The following SAMD4A variants were observed in gnomAD, a reference collection of about 807,000 sequenced individuals.
SAMD4A encodes the protein sterile alpha motif domain containing 4A.
A neutral mutation model predicts 81.3 loss-of-function variants in SAMD4A; 33 were observed. The ratio of observed to expected loss-of-function variants is 0.41; its 90% CI spans 0.31 to 0.54. SAMD4A has a LOEUF of 0.54. Ranked by LOEUF, SAMD4A falls within the 20% of genes least tolerant of loss-of-function variation. The probability of loss-of-function intolerance (pLI) is 0.37; values close to 1 mark genes in which losing one functional copy is unlikely to be tolerated. For missense variants in SAMD4A, 854 were observed against 951.1 expected, an observed-to-expected ratio of 0.90 and a Z score of 1.34; for synonymous variants, 389 against 382.1, an observed-to-expected ratio of 1.02 and a Z score of -0.21.
chr14:54,761,027 T>C (rs1279026692), intron 7 of SAMD4A, among the ~76,000 whole-genome samples: 1 of 152,204 alleles, frequency 6.6e-6, no homozygotes, highest in African/African-American at 2.4e-5. Flanking sequence ...TTTGGAGAAT[T>C]CCCAGCATGG....
In SAMD4A at chr14:54,789,005, G is replaced by T. The variant is rs189811410; in HGVS notation, c.*61G>T. The T allele has an allele frequency of 2.2e-4, 345 of 1,565,278 alleles. 1 individual carries two copies. In the African/African-American group the frequency reaches 4.0e-3, roughly 18 times the overall value. On this transcript the variant is annotated 3_prime_UTR_variant, in exon 13 of 13. Transcript: ENST00000554335. ...ATCGACTGCTGCGGGTCCAGTGTCC[G>T]CCATCTTCAGGGTTGCACAGAATCC...
upstream of SAMD4A, among the ~76,000 whole-genome samples, chr14:54,566,561 G>T (rs959379022): frequency 2.6e-5 from 4 of 151,676 alleles, no homozygotes; most frequent in African/African-American, 9.7e-5. Context: ...GCGTGTGCCT[G>T]CGGCGCCGAT....
At position 54,639,334 on chromosome 14, in the gene SAMD4A, A is replaced by G. The variant is rs148544961; in HGVS notation, c.197-62728A>G. ...CTGCAGTCATGGAGATGTAAGAAAC[A>G]TGGTGGCTGAGCCTGGTGAAGTTTC... On this transcript the variant is annotated intron_variant, in intron 2 of 12. Coordinates refer to ENST00000554335, the MANE Select transcript of SAMD4A (RefSeq NM_015589.6). Among the ~76,000 whole-genome samples the G allele has an allele frequency of 3.9e-5, 6 of 152,342 alleles. No individual in the cohort carries two copies. In the East Asian group the frequency reaches 9.6e-4, roughly 24 times the overall value.
At chr14:54,679,645 G>A (rs1345053485) in intron 2 of SAMD4A, among the ~76,000 whole-genome samples, 1 of 152,196 alleles carries the variant, frequency 6.6e-6, no homozygotes, top group African/African-American at 2.4e-5. Flanking sequence ...TGTTTTCCAT[G>A]TCATCCTTTG....
chr14:54,670,073 T>C (rs2035846907), intron 2 of SAMD4A, among the ~76,000 whole-genome samples: 1 of 152,182 alleles, frequency 6.6e-6, no homozygotes, highest in Admixed American at 6.5e-5. Context: ...AAGACAACTT[T>C]ATAGATTAAT....
intron 6 of SAMD4A, among the ~76,000 whole-genome samples, chr14:54,757,565 C>G (rs1219266276): frequency 6.6e-6 from 1 of 152,132 alleles, no homozygotes; most frequent in Non-Finnish European, 1.5e-5. Context: ...GAGAAACCTT[C>G]TTGCCATGTG....
In SAMD4A at chr14:54,702,215, A is replaced by G; in HGVS notation, c.350A>G (p.Gln117Arg). 1 of 1,614,194 alleles carries G rather than the reference A, an allele frequency of 6.2e-7. No individual in the cohort carries two copies. The highest frequency in any genetic ancestry group is 1.3e-5 in the African/African-American group (1 of 75,064). Reference sequence around the variant, plus strand: ...CTGGCTCACTCTATTGAACACAACCAGCACATTGAGGAGAGCAGGCAGCTG... The same window carrying G: ...CTGGCTCACTCTATTGAACACAACCGGCACATTGAGGAGAGCAGGCAGCTG... ...KILAHSIEHNQHIEESRQLLS... is the reference protein window; with the variant it reads ...KILAHSIEHNRHIEESRQLLS... The change falls in exon 3 of 13, where the codon CAG becomes CGG. Residue 117 changes from glutamine (Q) to arginine (R), a missense_variant. This residue lies in a region of SAMD4A where 387 missense variants were observed against 405.8 expected (regional missense o/e 0.95). Transcript: ENST00000554335.
chr14:54,598,678 A>T (rs530290140), intron 2 of SAMD4A, among the ~76,000 whole-genome samples: 1 of 152,366 alleles, frequency 6.6e-6, no homozygotes, highest in South Asian at 2.1e-4. Flanking sequence ...TTTAAAGGAA[A>T]CATAAGCTCA....
rs1159559895 is a variant in SAMD4A at position 54,567,911 on chromosome 14, C to CTG, written c.-5_-4insGT. The CTG allele has an allele frequency of 5.0e-6, 8 of 1,605,474 alleles. No individual in the cohort carries two copies. On this transcript the variant is annotated 5_prime_UTR_variant, in exon 2 of 13. Coordinates refer to ENST00000554335, the MANE Select transcript of SAMD4A (RefSeq NM_015589.6). The stretch of plus-strand genomic sequence containing the variant: ...GGCTCTGTAGACCGAGGGCGGCCCC[C>CTG]TAACCATGATGTTTCGCGACCAGGT...
intron 3 of SAMD4A, among the ~76,000 whole-genome samples, chr14:54,731,433 C>G (rs770057325): frequency 1.3e-5 from 2 of 152,332 alleles, no homozygotes; most frequent in African/African-American, 4.8e-5. Context: ...TGTGGACACA[C>G]AGCATACATC....
intron 2 of SAMD4A, among the ~76,000 whole-genome samples, chr14:54,660,371 C>T (rs2035613642): frequency 6.6e-6 from 1 of 152,216 alleles, no homozygotes; most frequent in East Asian, 1.9e-4. Context: ...GCAGTTGTCA[C>T]TCAACCATCC....
At chr14:54,667,199 G>T (rs1430461992) in intron 2 of SAMD4A, among the ~76,000 whole-genome samples, 1 of 152,158 alleles carries the variant, frequency 6.6e-6, no homozygotes, top group Admixed American at 6.5e-5. Context: ...AGAGACAGCT[G>T]GGAGAGAAAC....
intron 3 of SAMD4A, among the ~76,000 whole-genome samples, chr14:54,717,593 C>T (rs953900799): frequency 5.3e-5 from 8 of 152,104 alleles, no homozygotes; most frequent in African/African-American, 1.9e-4. Context: ...GTAAAAATGA[C>T]CACATTTATA....
At chr14:54,688,326 G>C (rs893995053) in intron 2 of SAMD4A, 1 of 985,360 alleles carries the variant, frequency 1.0e-6, no homozygotes, top group African/African-American at 1.7e-5. Flanking sequence ...TCACGCCCAG[G>C]CTTCTCTGGG....
At chr14:54,720,155 A>G (rs1273847418) in intron 3 of SAMD4A, among the ~76,000 whole-genome samples, 2 of 152,168 alleles carry the variant, frequency 1.3e-5, no homozygotes, top group Non-Finnish European at 1.5e-5. Flanking sequence ...CTCTGCTATC[A>G]TATTTTCAAA....
At chr14:54,754,246 A>G (rs1370531680) in intron 6 of SAMD4A, among the ~76,000 whole-genome samples, 1 of 152,204 alleles carries the variant, frequency 6.6e-6, no homozygotes, top group Non-Finnish European at 1.5e-5. Context: ...TCCGTGTCCC[A>G]GATTTTGCAC....
At chr14:54,715,766 G>A (rs977094217) in intron 3 of SAMD4A, among the ~76,000 whole-genome samples, 1 of 152,108 alleles carries the variant, frequency 6.6e-6, no homozygotes, top group Non-Finnish European at 1.5e-5. Flanking sequence ...GAATAATAAT[G>A]CTAAATAAGG....
intron 2 of SAMD4A, among the ~76,000 whole-genome samples, chr14:54,579,068 A>T (rs552547238): frequency 6.6e-6 from 1 of 152,222 alleles, no homozygotes; most frequent in Non-Finnish European, 1.5e-5. Flanking sequence ...TGACCATATG[A>T]TATTCCTTGA....
chr14:54,703,767 G>A (rs1162828456), intron 3 of SAMD4A: 5 of 152,198 alleles, frequency 3.3e-5, no homozygotes, highest in African/African-American at 1.2e-4. Flanking sequence ...TACTCGGGAG[G>A]CTGAGGTTAA....
Sources: allele counts gnomAD v4.1 joint callset (sites outside exome capture counted in the v4.1 genomes callset), GRCh38; gene constraint gnomAD v4.1.1; regional missense constraint gnomAD v4.1.1; transcripts MANE v1.5; gene names NCBI Gene and HGNC (gene_info 2026-07-23, HGNC 2026-07-21).